Variants in BTBD7 observed in about 807,000 individuals in gnomAD.
The protein encoded by BTBD7 is BTB domain containing 7.
A neutral mutation model predicts 99.9 loss-of-function variants in BTBD7; 38 were observed. That is an observed-to-expected ratio of 0.38 (90% CI 0.29 to 0.50). The LOEUF (loss-of-function observed/expected upper bound fraction) is 0.50. Among genes scored for constraint, BTBD7 ranks in the 20% least tolerant of loss-of-function variants. The pLI is 0.93. For missense variants in BTBD7, 1,170 were observed against 1,394.6 expected (o/e 0.84, Z 2.57); for synonymous variants, 520 against 511.4 (o/e 1.02, Z -0.23).
chr14:93,260,622 C>T (rs1043725713), intron 5 of BTBD7, among the ~76,000 whole-genome samples: 4 of 151,548 alleles, frequency 2.6e-5, no homozygotes, highest in Non-Finnish European at 4.4e-5. Context: ...GGCCCCATCT[C>T]GGCTCACCAC....
chr14:93,319,174 C>T (rs1054761199), intron 1 of BTBD7, among the ~76,000 whole-genome samples: 2 of 152,228 alleles, frequency 1.3e-5, no homozygotes, highest in African/African-American at 4.8e-5. Flanking sequence ...GACTGCACCA[C>T]TGCACTACAG....
intron 3 of BTBD7, among the ~76,000 whole-genome samples, chr14:93,285,651 A>G (rs1430369398): frequency 6.6e-6 from 1 of 152,176 alleles, no homozygotes; most frequent in Non-Finnish European, 1.5e-5. Context: ...TTACCAATGA[A>G]TGGTATACTC....
intron 10 of BTBD7, among the ~76,000 whole-genome samples, chr14:93,245,161 C>CAAA (rs11365837): frequency 7.7e-6 from 1 of 130,028 alleles, no homozygotes; most frequent in Non-Finnish European, 1.7e-5. Flanking sequence ...GGCACCTGGC[C>CAAA]AAAAAAAAAA....
Position 93,294,652 on chromosome 14 carries a change from G to C in BTBD7, c.368C>G (p.Pro123Arg). Reference sequence around the variant, plus strand: ...ATCTTTCTGCAATGTCCGGGCTTCTGGTCTAGCCAAACTGGCTTGTAGAGA... The same window carrying C: ...ATCTTTCTGCAATGTCCGGGCTTCTCGTCTAGCCAAACTGGCTTGTAGAGA... ...ELSLQASLAR[P>R]EARTLQKDMA... is the part of the protein sequence containing the mutation. The change falls in exon 3 of 11, where the codon CCA (proline) becomes CGA (arginine). Residue 123 changes from proline (P) to arginine (R), a missense_variant. Physicochemically the swap from Pro to Arg is moderately radical, Grantham distance 103. Around this residue, in one of 4 missense-constraint regions of BTBD7, gnomAD observed 359 missense variants for 497.9 expected, o/e 0.72. Coordinates refer to ENST00000334746, the MANE Select transcript of BTBD7 (RefSeq NM_001002860.4). The C allele has an allele frequency of 6.2e-7, 1 of 1,614,088 alleles. No homozygotes were observed.
At position 93,324,428 on chromosome 14, in the gene BTBD7, A is replaced by AAAATAAAAATAAAAAT. The variant is rs371147922; in HGVS notation, c.-107+8391_-107+8392insATTTTTATTTTTATTT. Among the ~76,000 whole-genome samples, 303 of 151,406 alleles carry AAAATAAAAATAAAAAT rather than the reference A, an allele frequency of 2.0e-3. 3 individuals carry two copies. Among genetic ancestry groups the AAAATAAAAATAAAAAT allele is most frequent in the African/African-American group, 6.5e-3 (266 of 41,034 alleles). ...CAGAGCGAGACCCTGTCTCAAAAAAAAAAAAAAGAGATTTTTGATGGCAAA... is the reference window on the plus strand; with the variant it reads ...CAGAGCGAGACCCTGTCTCAAAAAAAAAATAAAAATAAAAATAAAAAAAGAGATTTTTGATGGCAAA... On this transcript the variant is annotated intron_variant, in intron 1 of 10. Transcript: ENST00000334746.
intron 1 of BTBD7, among the ~76,000 whole-genome samples, chr14:93,329,988 G>A (rs1356015607): frequency 2.0e-5 from 3 of 152,218 alleles, no homozygotes; most frequent in East Asian, 3.8e-4. Context: ...TAAGCCCACA[G>A]ATATCTGCTA....
rs1255642188 is a variant in BTBD7 at position 93,242,613 on chromosome 14, T to A, written c.3059A>T (p.Gln1020Leu). 6.2e-7 allele frequency: 1 copy of A among 1,614,226 alleles called. No homozygotes were observed. Among genetic ancestry groups the A allele is most frequent in the Admixed American group, 1.7e-5 (1 of 60,026 alleles). Residue 1020 changes from glutamine (Q) to leucine (L), a missense_variant, in exon 11 of 11, where the codon CAA (glutamine) becomes CTA (leucine). Coordinates refer to ENST00000334746, the MANE Select transcript of BTBD7 (RefSeq NM_001002860.4). ...ATCCAGGTGTATCGGCTCATTCTTTTGTCTGTGTAGATGCCCGTCAGGGGA... is the reference window on the plus strand; with the variant it reads ...ATCCAGGTGTATCGGCTCATTCTTTAGTCTGTGTAGATGCCCGTCAGGGGA... ...PLSPDGHLHR[Q>L]KNEPIHLDVV...
At chr14:93,320,704 C>A (rs996484300) in intron 1 of BTBD7, among the ~76,000 whole-genome samples, 1 of 152,122 alleles carries the variant, frequency 6.6e-6, no homozygotes, top group East Asian at 1.9e-4. Flanking sequence ...GCATGCCTTA[C>A]ATCATTATCC....
chr14:93,288,879 G>C, intron 3 of BTBD7: 1 of 947,088 alleles, frequency 1.1e-6, no homozygotes, highest in Non-Finnish European at 1.5e-6. Flanking sequence ...TTACAGCAGG[G>C]GTTAAGGAAG....
chr14:93,264,822 C>T (rs1164269161), intron 3 of BTBD7, among the ~76,000 whole-genome samples: 1 of 152,150 alleles, frequency 6.6e-6, no homozygotes, highest in Non-Finnish European at 1.5e-5. Flanking sequence ...ACCACCAGGC[C>T]GGACACAGTG....
chr14:93,260,835 G>A (rs1294704588), intron 5 of BTBD7, among the ~76,000 whole-genome samples: 5 of 152,138 alleles, frequency 3.3e-5, no homozygotes, highest in African/African-American at 1.2e-4. Context: ...TTACAGGCGT[G>A]AGCCACTGCA....
At chr14:93,322,879 C>T (rs1210468380) in intron 1 of BTBD7, among the ~76,000 whole-genome samples, 2 of 152,108 alleles carry the variant, frequency 1.3e-5, no homozygotes, top group Non-Finnish European at 2.9e-5. Flanking sequence ...TTTGGGAAGC[C>T]AAGATGGGAT....
intron 1 of BTBD7, among the ~76,000 whole-genome samples, chr14:93,331,683 C>A (rs781093295): frequency 4.6e-5 from 7 of 152,138 alleles, no homozygotes; most frequent in Admixed American, 2.0e-4. Flanking sequence ...GAGCTCGAGA[C>A]CAGTCTGGCC....
In BTBD7 at chr14:93,240,378, G is replaced by A. The variant is rs573569131; in HGVS notation, c.*1895C>T. ...CTGAGTGTATATCCACAGGGTAAAG[G>A]AGGAAAAGACCGTAAGAGAAACTAT... On this transcript the variant is annotated 3_prime_UTR_variant, in exon 11 of 11. Transcript: ENST00000334746. The A allele has an allele frequency of 3.9e-5, 6 of 152,754 alleles. No individual in the cohort carries two copies. Among genetic ancestry groups the A allele is most frequent in the African/African-American group, 1.4e-4 (6 of 41,568 alleles). The allele number at this position is 152,754 out of a possible 1,614,324, so 9.5% of individuals were successfully genotyped here.
At chr14:93,329,260 G>T (rs1387172705) in intron 1 of BTBD7, among the ~76,000 whole-genome samples, 1 of 151,926 alleles carries the variant, frequency 6.6e-6, no homozygotes, top group Non-Finnish European at 1.5e-5. Flanking sequence ...ATAAGCACAT[G>T]AAAAGATGCT....
chr14:93,332,706 C>T, intron 1 of BTBD7, 114 bp downstream of exon 1: 6 of 1,321,838 alleles, frequency 4.5e-6, no homozygotes, highest in Middle Eastern at 2.1e-4. Context: ...GGCGGCTTGG[C>T]CCCAGCCCCG....
intron 3 of BTBD7, among the ~76,000 whole-genome samples, chr14:93,283,625 C>T (rs113733790): frequency 1.3e-5 from 2 of 152,320 alleles, no homozygotes; most frequent in African/African-American, 4.8e-5. Context: ...GATCTCAGCT[C>T]ACTGTAATCT....
At chr14:93,286,637 T>G (rs1277308292) in intron 3 of BTBD7, among the ~76,000 whole-genome samples, 1 of 152,118 alleles carries the variant, frequency 6.6e-6, no homozygotes, top group Non-Finnish European at 1.5e-5. Flanking sequence ...GTCCAGTATT[T>G]CTCCCTTCTC....
intron 1 of BTBD7, among the ~76,000 whole-genome samples, chr14:93,331,881 C>CCCCA (rs1566870859): frequency 6.9e-6 from 1 of 144,526 alleles, no homozygotes; most frequent in Non-Finnish European, 1.5e-5. Flanking sequence ...ACTCCGTCTC[C>CCCCA]CCCCCCCCAA....
Sources: allele counts gnomAD v4.1 joint callset (sites outside exome capture counted in the v4.1 genomes callset), GRCh38; gene constraint gnomAD v4.1.1; regional missense constraint gnomAD v4.1.1; transcripts MANE v1.5; gene names NCBI Gene and HGNC (gene_info 2026-07-23, HGNC 2026-07-21).